SAV1: variants seen among roughly 807,000 people sequenced by gnomAD.
SAV1 encodes the protein protein salvador homolog 1.
Under a neutral mutation model 47.3 loss-of-function variants are expected in SAV1, and 23 were observed. The ratio of observed to expected loss-of-function variants is 0.49; its 90% confidence interval spans 0.35 to 0.69. The LOEUF is 0.69. Ranked by LOEUF, SAV1 falls within the 30% of genes least tolerant of loss-of-function variation. SAV1 has a pLI of 0.01. For missense variants in SAV1, 448 were observed against 457.4 expected (o/e 0.98, Z 0.19); for synonymous variants, 155 against 159.2 (o/e 0.97, Z 0.20).
At chr14:50,667,846 G>A (rs1476651967) in intron 1 of SAV1, 28 bp downstream of exon 1, 6 of 1,602,586 alleles carry the variant, frequency 3.7e-6, no homozygotes, top group Non-Finnish European at 5.1e-6. Flanking sequence ...CCTGGGCCAG[G>A]TGTGGGCACG....
intron 1 of SAV1, among the ~76,000 whole-genome samples, chr14:50,667,036 G>C (rs1425424314): frequency 2.6e-5 from 4 of 152,176 alleles, no homozygotes; most frequent in South Asian, 4.1e-4. Context: ...CTTAAGCAAA[G>C]GGCCCAGGGC....
At chr14:50,655,182 T>G (rs1297265619) in intron 2 of SAV1, among the ~76,000 whole-genome samples, 1 of 152,154 alleles carries the variant, frequency 6.6e-6, no homozygotes, top group East Asian at 1.9e-4. Flanking sequence ...ACACAGCAAA[T>G]GACTTTAATA....
Position 50,634,766 on chromosome 14 carries a change from C to CATG in SAV1, c.*416_*417insCAT, listed in dbSNP as rs2039619055. The stretch of plus-strand genomic sequence containing the variant: ...TACATCATGGTAATATTTAAACCAT[C>CATG]CCTTTCCAGACAATATTTCACACTA... On this transcript the variant is annotated 3_prime_UTR_variant, in exon 5 of 5. Transcript: ENST00000324679. 6.1e-6 allele frequency: 1 copy of CATG among 164,940 alleles called. No homozygotes were observed. The highest frequency in any genetic ancestry group is 2.4e-5 in the African/African-American group (1 of 41,474). 10.2% of individuals were successfully genotyped at this position (164,940 alleles called of 1,614,324 possible). A position where few individuals can be genotyped will look rare whatever the true frequency, so the allele number is the denominator to read the frequency against.
At chr14:50,639,125 G>C (rs2140248001) in intron 4 of SAV1, among the ~76,000 whole-genome samples, 1 of 152,282 alleles carries the variant, frequency 6.6e-6, no homozygotes, top group African/African-American at 2.4e-5. Context: ...AAGCATTATA[G>C]ACTTTTGTGA....
At chr14:50,663,843 T>C (rs1214959261) in intron 2 of SAV1, among the ~76,000 whole-genome samples, 2 of 152,244 alleles carry the variant, frequency 1.3e-5, no homozygotes, top group Non-Finnish European at 2.9e-5. Context: ...GACTCAAATC[T>C]AAGCCTATTG....
chr14:50,657,862 G>C (rs186546385), intron 2 of SAV1, among the ~76,000 whole-genome samples: 3 of 152,290 alleles, frequency 2.0e-5, no homozygotes, highest in Admixed American at 2.0e-4. Flanking sequence ...GCTATCAGTA[G>C]ATGTGCCAAA....
Position 50,668,169 on chromosome 14 carries a change from T to C in SAV1, c.-202A>G, listed in dbSNP as rs1219579627. The C allele has an allele frequency of 3.3e-6, 1 of 298,698 alleles. No individual in the cohort carries two copies. The highest frequency in any genetic ancestry group is 5.2e-5 in the Admixed American group (1 of 19,102). The allele number at this position is 298,698 out of a possible 1,614,324, so 18.5% of individuals were successfully genotyped here. A position where few individuals can be genotyped will look rare whatever the true frequency, so the allele number is the denominator to read the frequency against. ...GGGCGCTAAGCGCGCCGGCCGCCGC[T>C]CAGTCGCTGGTCAGTTCCTTCCCGG... On this transcript the variant is annotated 5_prime_UTR_variant, in exon 1 of 5. Coordinates refer to ENST00000324679, the MANE Select transcript of SAV1 (RefSeq NM_021818.4).
rs377286397 is a variant in SAV1 at position 50,667,213 on chromosome 14, A to G, written c.94+661T>C. ...GAGTGGGATCTACCCTATTAAAAAAAAAAACTTTTCGAGGGGGGGGTTCTC... is the reference window on the plus strand; with the variant it reads ...GAGTGGGATCTACCCTATTAAAAAAGAAAACTTTTCGAGGGGGGGGTTCTC... On this transcript the variant is annotated intron_variant, in intron 1 of 4. Coordinates refer to ENST00000324679, the MANE Select transcript of SAV1 (RefSeq NM_021818.4). Among the ~76,000 whole-genome samples the G allele has an allele frequency of 3.0e-4, 44 of 144,288 alleles. 4 individuals carry two copies. Among genetic ancestry groups the G allele is most frequent in the Admixed American group, 1.9e-3 (28 of 14,736 alleles). 94.7% of individuals were successfully genotyped at this position (144,288 alleles called of 152,430 possible).
chr14:50,651,532 AAAAC>A (rs1347517719), intron 2 of SAV1, among the ~76,000 whole-genome samples: 1 of 152,264 alleles, frequency 6.6e-6, no homozygotes, highest in Non-Finnish European at 1.5e-5. Context: ...CTAAAAAGTG[AAAAC>A]AAAATGAAGT....
chr14:50,648,574 T>C (rs2140254161), intron 2 of SAV1, among the ~76,000 whole-genome samples: 1 of 152,124 alleles, frequency 6.6e-6, no homozygotes, highest in South Asian at 2.1e-4. Context: ...GGTCAGGAGA[T>C]CGAGACCATC....
chr14:50,637,514 A>C (rs1343282352), intron 4 of SAV1, among the ~76,000 whole-genome samples: 1 of 152,200 alleles, frequency 6.6e-6, no homozygotes, highest in Non-Finnish European at 1.5e-5. Flanking sequence ...ATGTTAAACT[A>C]ATCTATCATC....
intron 2 of SAV1, among the ~76,000 whole-genome samples, chr14:50,653,546 G>A (rs1317488064): frequency 1.3e-5 from 2 of 152,148 alleles, no homozygotes; most frequent in Non-Finnish European, 2.9e-5. Context: ...AGCGAGTTAC[G>A]TGAATTTGTT....
At position 50,665,074 on chromosome 14, in the gene SAV1, G is replaced by C. The variant is rs1595654635; in HGVS notation, c.535+105C>G. The C allele has an allele frequency of 2.1e-6, 3 of 1,425,626 alleles. No homozygotes were observed. The African/African-American group carries it at 4.4e-5, about 21-fold the overall frequency. The allele number at this position is 1,425,626 out of a possible 1,614,324, so 88.3% of individuals were successfully genotyped here. ...GATGAGCAAAGTGGAAAAACATTTCGCTAGTAGTATTTGTTCGTGTCCCAA... is the reference window on the plus strand; with the variant it reads ...GATGAGCAAAGTGGAAAAACATTTCCCTAGTAGTATTTGTTCGTGTCCCAA... On this transcript the variant is annotated intron_variant, in intron 2 of 4. Transcript: ENST00000324679.
intron 3 of SAV1, among the ~76,000 whole-genome samples, chr14:50,641,907 G>A (rs1421222276): frequency 2.6e-5 from 4 of 152,130 alleles, no homozygotes; most frequent in African/African-American, 9.7e-5. Context: ...AAACACGTGT[G>A]CACATGTTAA....
At chr14:50,648,864 C>T (rs1224662221) in intron 2 of SAV1, among the ~76,000 whole-genome samples, 2 of 152,116 alleles carry the variant, frequency 1.3e-5, no homozygotes, top group South Asian at 2.1e-4. Flanking sequence ...ATTTGGTTCA[C>T]CACAGGTTGG....
At chr14:50,653,044 A>G (rs2039782594) in intron 2 of SAV1, among the ~76,000 whole-genome samples, 1 of 152,120 alleles carries the variant, frequency 6.6e-6, no homozygotes. Context: ...AAGAAATTGA[A>G]AAAAAAATGA....
Position 50,644,867 on chromosome 14 carries a change from C to G in SAV1, c.683G>C (p.Ser228Thr). Reference sequence around the variant, plus strand: ...AAGTCCTTCTCGCTCAAGAGGATGGCTCCAGTGAGTTGTATTTGTGTTATG... The same window carrying G: ...AAGTCCTTCTCGCTCAAGAGGATGGGTCCAGTGAGTTGTATTTGTGTTATG... ...IDHNTNTTHWSHPLEREGLPP... is the reference protein window; with the variant it reads ...IDHNTNTTHWTHPLEREGLPP... The change falls in exon 3 of 5, where the codon AGC becomes ACC. Residue 228 changes from serine to threonine, a missense_variant. Transcript: ENST00000324679. 1 of 1,614,122 alleles carries G rather than the reference C, an allele frequency of 6.2e-7. No homozygotes were observed.
At chr14:50,648,822 C>T (rs572128265) in intron 2 of SAV1, among the ~76,000 whole-genome samples, 196 of 152,114 alleles carry the variant, frequency 1.3e-3, no homozygotes, top group Non-Finnish European at 2.6e-3. Flanking sequence ...CAAATCACCC[C>T]GAAACTCAGT....
At chr14:50,652,880 A>T (rs2039780439) in intron 2 of SAV1, among the ~76,000 whole-genome samples, 1 of 152,178 alleles carries the variant, frequency 6.6e-6, no homozygotes, top group Non-Finnish European at 1.5e-5. Flanking sequence ...AATATACAAA[A>T]ATTAGCCAGG....
Sources: allele counts gnomAD v4.1 joint callset (sites outside exome capture counted in the v4.1 genomes callset), GRCh38; gene constraint gnomAD v4.1.1; transcripts MANE v1.5; gene names NCBI Gene and HGNC (gene_info 2026-07-23, HGNC 2026-07-21).